The following PRSS48 variants were observed in gnomAD, a reference collection of about 807,000 sequenced individuals.
PRSS48 encodes the protein epidermis-specific serine protease-like protein.
PRSS48 carries 21 observed loss-of-function variants against 25.6 expected under a neutral mutation model. The ratio of observed to expected loss-of-function variants is 0.82; its 90% confidence interval spans 0.58 to 1.18. The LOEUF (loss-of-function observed/expected upper bound fraction) is 1.18, where lower values mean the gene tolerates loss of function less well. Ranked by LOEUF, PRSS48 falls within the 50% of genes most tolerant of loss-of-function variation. The pLI is 0.00. For missense variants in PRSS48, 373 were observed against 399.3 expected, an observed-to-expected ratio of 0.93 and a Z score of 0.56; for synonymous variants, 150 against 149.3, an observed-to-expected ratio of 1.00 and a Z score of -0.04.
chr4:151,279,748 A>G, intron 1 of PRSS48, 48 bp from the exon 2 acceptor site: 2 of 1,577,874 alleles, frequency 1.3e-6, no homozygotes, highest in Non-Finnish European at 1.7e-6. Context: ...GGGACCAGAG[A>G]AACAGGACTC....
chr4:151,291,270 A>G (rs377543396), exon 5 of PRSS48: 21 of 1,613,914 alleles, frequency 1.3e-5, no homozygotes, highest in African/African-American at 4.0e-5. Flanking sequence ...CTATTTCAAG[A>G]GCCAACAATC....
intron 1 of PRSS48, among the ~76,000 whole-genome samples, chr4:151,278,825 G>A (rs1561424530): frequency 6.6e-6 from 1 of 152,162 alleles, no homozygotes; most frequent in Non-Finnish European, 1.5e-5. Flanking sequence ...TAGAGACGGT[G>A]TTTGGCCATG....
intron 4 of PRSS48, among the ~76,000 whole-genome samples, chr4:151,286,981 A>AT (rs1774853286): frequency 4.4e-5 from 5 of 114,592 alleles, no homozygotes; most frequent in East Asian, 2.5e-4. Context: ...TTCTGTCTCA[A>AT]AAATAATAAT....
At chr4:151,285,197 G>A (rs1774628883) in intron 4 of PRSS48, among the ~76,000 whole-genome samples, 1 of 152,128 alleles carries the variant, frequency 6.6e-6, no homozygotes, top group African/African-American at 2.4e-5. Flanking sequence ...CCTTTTATAT[G>A]CTGTCCACAA....
In PRSS48 at chr4:151,279,535, T is replaced by TA. The variant is rs1470591167; in HGVS notation, c.53-260dup. 2.0e-5 allele frequency among the ~76,000 whole-genome samples: 3 copies of TA among 152,324 alleles called. No individual in the cohort carries two copies. In the East Asian group the frequency reaches 5.8e-4, roughly 29 times the overall value. ...CAGTGAATCTAGATATTAGATGTGT[T>TA]ACTATGTGTTAATGATACCCTATTT... is the stretch of plus-strand genomic sequence containing the variant. On this transcript the variant is annotated intron_variant, in intron 1 of 4. Transcript: ENST00000455694.
rs750286962 is a variant in PRSS48 at position 151,279,868 on chromosome 4, A to T, written c.125A>T (p.Gln42Leu). 1.7e-5 allele frequency: 27 copies of T among 1,613,830 alleles called. No individual in the cohort carries two copies. In the African/African-American group the frequency reaches 3.3e-4, roughly 20 times the overall value. ...GCTGCTGCAGGGCGCTGGCCTTGGCAGGTCAGCCTACACTTTGACCACAAC... is the reference window on the plus strand; with the variant it reads ...GCTGCTGCAGGGCGCTGGCCTTGGCTGGTCAGCCTACACTTTGACCACAAC... Residue 42 changes from glutamine (Q) to leucine (L), a missense_variant, in exon 2 of 5, where the codon CAG (glutamine) becomes CTG (leucine). Coordinates refer to ENST00000455694, the Ensembl canonical transcript of PRSS48.
intron 4 of PRSS48, among the ~76,000 whole-genome samples, chr4:151,289,129 A>G (rs1775089840): frequency 6.6e-6 from 1 of 152,250 alleles, no homozygotes; most frequent in South Asian, 2.1e-4. Context: ...AATCAGTTCA[A>G]TGAACAAATA....
chr4:151,290,063 A>T (rs560679242), intron 4 of PRSS48, among the ~76,000 whole-genome samples: 13 of 152,212 alleles, frequency 8.5e-5, no homozygotes, highest in Non-Finnish European at 1.9e-4. Flanking sequence ...CTTCTGCCTC[A>T]GCTTCCCGAG....
intron 3 of PRSS48, among the ~76,000 whole-genome samples, 170 bp downstream of exon 3, chr4:151,282,583 T>G (rs1277510960): frequency 1.3e-5 from 2 of 152,196 alleles, no homozygotes; most frequent in Non-Finnish European, 2.9e-5. Flanking sequence ...GACATTTATA[T>G]TTTTATGTTA....
intron 4 of PRSS48, among the ~76,000 whole-genome samples, chr4:151,287,184 T>C (rs958044264): frequency 2.2e-4 from 33 of 150,870 alleles, no homozygotes. Flanking sequence ...CTATTAAAAA[T>C]ACAAAAATTA....
Position 151,277,242 on chromosome 4 carries a change from G to T in PRSS48, c.52+18G>T, listed in dbSNP as rs1324215595. ...GATCTCAGGTGAGCGCCAGGGTGGGGTTGAGAAGGCAGAGGCAGAGGATTT... is the reference window on the plus strand; with the variant it reads ...GATCTCAGGTGAGCGCCAGGGTGGGTTTGAGAAGGCAGAGGCAGAGGATTT... On this transcript the variant is annotated intron_variant, in intron 1 of 4. Transcript: ENST00000455694. 1 of 1,491,884 alleles carries T rather than the reference G, an allele frequency of 6.7e-7. No homozygotes were observed. Among genetic ancestry groups the T allele is most frequent in the Non-Finnish European group, 9.0e-7 (1 of 1,109,506 alleles). 92.4% of individuals were successfully genotyped at this position (1,491,884 alleles called of 1,614,324 possible). A position where few individuals can be genotyped will look rare whatever the true frequency, so the allele number is the denominator to read the frequency against.
At chr4:151,283,044 C>A in intron 3 of PRSS48, 73 bp from the exon 4 acceptor site, 1 of 1,390,284 alleles carries the variant, frequency 7.2e-7, no homozygotes, top group Non-Finnish European at 1.0e-6. Context: ...GAGACTTCTG[C>A]ACATCATGAC....
At chr4:151,277,168 G>A (rs1374275951), upstream of PRSS48, 46 of 1,466,570 alleles carry the variant, frequency 3.1e-5, no homozygotes, top group Non-Finnish European at 4.0e-5. Flanking sequence ...TCTGAGGACA[G>A]AGACATGGGC....
At chr4:151,283,039 T>C in intron 3 of PRSS48, 78 bp from the exon 4 acceptor site, 1 of 1,362,578 alleles carries the variant, frequency 7.3e-7, no homozygotes, top group Non-Finnish European at 1.0e-6. Flanking sequence ...ATTCAGAGAC[T>C]TCTGCACATC....
exon 4 of PRSS48, chr4:151,283,212 C>T: frequency 6.2e-7 from 1 of 1,613,824 alleles, no homozygotes; most frequent in Non-Finnish European, 8.5e-7. Flanking sequence ...TATCTTCTTG[C>T]CAGCACTGGA....
chr4:151,290,504 G>A (rs1214763796), intron 4 of PRSS48, among the ~76,000 whole-genome samples: 4 of 152,196 alleles, frequency 2.6e-5, no homozygotes, highest in Admixed American at 6.5e-5. Context: ...TAGAGGCAGA[G>A]AGTGGACTAC....
At chr4:151,281,044 A>T (rs1336305676) in intron 2 of PRSS48, among the ~76,000 whole-genome samples, 1 of 152,204 alleles carries the variant, frequency 6.6e-6, no homozygotes, top group Non-Finnish European at 1.5e-5. Flanking sequence ...CAGGATCCAG[A>T]CAAAAGGGGA....
At chr4:151,282,892 CA>C (rs914304731) in intron 3 of PRSS48, among the ~76,000 whole-genome samples, 9 of 152,132 alleles carry the variant, frequency 5.9e-5, no homozygotes, top group African/African-American at 1.9e-4. Flanking sequence ...TTATTTAGAA[CA>C]ATGGCTCAAT....
intron 4 of PRSS48, among the ~76,000 whole-genome samples, chr4:151,287,341 CAAAAAA>C (rs34944826): frequency 1.2e-5 from 1 of 82,384 alleles, no homozygotes. Flanking sequence ...ACTCTGTCTC[CAAAAAA>C]AAAAAAAAAA....
Sources: gnomAD v4.1 joint callset for allele counts (sites outside exome capture counted in the v4.1 genomes callset) on GRCh38, gnomAD v4.1.1 for gene constraint, MANE v1.5 for transcripts, NCBI Gene and HGNC (gene_info 2026-07-23, HGNC 2026-07-21) for gene names.